The following LRP12 variants were observed in gnomAD, a reference collection of about 807,000 sequenced individuals.
LRP12 encodes the protein LDL receptor related protein 12.
Under a neutral mutation model 66.0 loss-of-function variants are expected in LRP12, and 14 were observed. That is an observed-to-expected ratio of 0.21 (90% CI 0.14 to 0.33). The LOEUF (loss-of-function observed/expected upper bound fraction) is 0.33. LRP12 is among the 10% of genes least tolerant of loss of function. The pLI is 1.00. For synonymous variants in LRP12, 357 were observed against 359.1 expected, an observed-to-expected ratio of 0.99 and a Z score of 0.07; for missense variants, 889 against 1,053.4, an observed-to-expected ratio of 0.84 and a Z score of 2.16.
chr8:104,584,685 A>C (rs1286119402), intron 1 of LRP12, among the ~76,000 whole-genome samples: 1 of 152,156 alleles, frequency 6.6e-6, no homozygotes, highest in East Asian at 1.9e-4. Flanking sequence ...AATTTTGTGG[A>C]ATGTGCTGCC....
At chr8:104,586,561 C>A (rs7814352) in intron 1 of LRP12, among the ~76,000 whole-genome samples, 1 of 151,952 alleles carries the variant, frequency 6.6e-6, no homozygotes. Flanking sequence ...TCTGTTCTAA[C>A]AGGCTCAAGG....
intron 3 of LRP12, among the ~76,000 whole-genome samples, chr8:104,502,965 A>C (rs1810851097): frequency 6.6e-6 from 1 of 152,122 alleles, no homozygotes; most frequent in Admixed American, 6.5e-5. Context: ...TGGGTGGATC[A>C]CCTGAGGTCA....
chr8:104,588,973 C>A lies in LRP12; in HGVS notation c.-76G>T, dbSNP rs543283170. ...AAGCTGGAGGTAGACGACGCCGACG[C>A]CGCCGCCGCCGCCGCCGCCGCCGCC... On this transcript the variant is annotated 5_prime_UTR_variant, in exon 1 of 7. Transcript: ENST00000276654. 9.1e-5 allele frequency: 53 copies of A among 583,278 alleles called. No homozygotes were observed. Among genetic ancestry groups the A allele is most frequent in the South Asian group, 3.5e-4 (13 of 37,594 alleles). The allele number at this position is 583,278 out of a possible 1,614,324, so 36.1% of individuals were successfully genotyped here.
At chr8:104,508,059 TA>T (rs1403467502) in intron 3 of LRP12, 2 of 152,210 alleles carry the variant, frequency 1.3e-5, no homozygotes, top group East Asian at 3.8e-4. Flanking sequence ...CATACAATGT[TA>T]CACATGAAAA....
chr8:104,567,392 T>G (rs1356700714), intron 1 of LRP12, among the ~76,000 whole-genome samples: 4 of 152,092 alleles, frequency 2.6e-5, no homozygotes, highest in Non-Finnish European at 4.4e-5. Flanking sequence ...ACTTACTCAC[T>G]ATCACGAGAA....
At chr8:104,568,082 T>C (rs1160363946) in intron 1 of LRP12, among the ~76,000 whole-genome samples, 2 of 152,164 alleles carry the variant, frequency 1.3e-5, no homozygotes, top group Non-Finnish European at 2.9e-5. Context: ...ATAGACAATA[T>C]AGGTCATAAA....
chr8:104,547,642 TA>T (rs1426150651), intron 1 of LRP12, among the ~76,000 whole-genome samples: 12 of 124,688 alleles, frequency 9.6e-5, no homozygotes, highest in African/African-American at 3.8e-4. Context: ...AAATATATAT[TA>T]ATAATTAAAA....
At chr8:104,563,855 CCACT>C (rs1202094775) in intron 1 of LRP12, among the ~76,000 whole-genome samples, 1 of 152,172 alleles carries the variant, frequency 6.6e-6, no homozygotes, top group African/African-American at 2.4e-5. Flanking sequence ...TCTTTATAAG[CCACT>C]CAGTCTATGG....
intron 1 of LRP12, among the ~76,000 whole-genome samples, chr8:104,548,252 T>TCA (rs1811644761): frequency 1.1e-5 from 1 of 93,304 alleles, no homozygotes; most frequent in Non-Finnish European, 1.7e-5. Context: ...ACGATATATA[T>TCA]TATATTAATA....
At chr8:104,500,727 CAAACAAAACA>C (rs1446098070) in intron 3 of LRP12, among the ~76,000 whole-genome samples, 1 of 152,032 alleles carries the variant, frequency 6.6e-6, no homozygotes, top group Non-Finnish European at 1.5e-5. Flanking sequence ...CAAACAAAAC[CAAACAAAACA>C]AAACCCTTAT....
intron 2 of LRP12, among the ~76,000 whole-genome samples, chr8:104,510,419 G>A (rs1296108174): frequency 6.6e-6 from 1 of 152,124 alleles, no homozygotes; most frequent in African/African-American, 2.4e-5. Flanking sequence ...ATATCACAGA[G>A]GAAAATCTTC....
rs771535161 is a variant in LRP12 at position 104,525,182 on chromosome 8, ATT to A, written c.136+6723_136+6724del. On this transcript the variant is annotated intron_variant, in intron 2 of 6. Transcript: ENST00000276654. ...ATATTATTAAATTTATAAAAATACC[ATT>A]TGTCTTTTCTCCTTTCTCTAGCTTA... is the stretch of plus-strand genomic sequence containing the variant. Among the ~76,000 whole-genome samples the A allele has an allele frequency of 3.3e-5, 5 of 152,248 alleles. No individual in the cohort carries two copies. The East Asian group carries it at 7.7e-4, about 23-fold the overall frequency.
At chr8:104,553,451 A>G (rs915738532) in intron 1 of LRP12, among the ~76,000 whole-genome samples, 7 of 152,056 alleles carry the variant, frequency 4.6e-5, no homozygotes, top group African/African-American at 1.4e-4. Context: ...GGAGCTGGGT[A>G]AGGCCTGTCA....
chr8:104,574,862 G>A (rs1426542889), intron 1 of LRP12, among the ~76,000 whole-genome samples: 1 of 152,030 alleles, frequency 6.6e-6, no homozygotes, highest in Non-Finnish European at 1.5e-5. Flanking sequence ...AACTACATAT[G>A]TGATTTACAC....
In LRP12 at chr8:104,563,456, A is replaced by G. The variant is rs1388452049; in HGVS notation, c.79+25363T>C. Reference sequence around the variant, plus strand: ...CTATATTATATATTTGTTAATAATGATATGTCATTATATATCATTATTAAC... The same window carrying G: ...CTATATTATATATTTGTTAATAATGGTATGTCATTATATATCATTATTAAC... On this transcript the variant is annotated intron_variant, in intron 1 of 6. Transcript: ENST00000276654. 2.0e-5 allele frequency among the ~76,000 whole-genome samples: 3 copies of G among 152,116 alleles called. No individual in the cohort carries two copies. In the East Asian group the frequency reaches 5.8e-4, roughly 29 times the overall value.
In LRP12 at chr8:104,497,655, T is replaced by C. The variant is rs765417395; in HGVS notation, c.897A>G (p.Leu299=). The change falls in exon 5 of 7, where the codon TTA becomes TTG. Residue 299 remains leucine, a synonymous_variant. Coordinates refer to ENST00000276654, the MANE Select transcript of LRP12 (RefSeq NM_013437.5). The surrounding 1 kb of genome is among the most constrained non-coding windows in gnomAD (Gnocchi z 4.3). ...IDTGDHRKVI[L]RFTDFKLDGT... Reference sequence around the variant, plus strand: ...CATCAAGTTTAAAGTCAGTGAAGCGTAAAATGACTTTACGGTGATCACCAG... The same window carrying C: ...CATCAAGTTTAAAGTCAGTGAAGCGCAAAATGACTTTACGGTGATCACCAG... The C allele has an allele frequency of 1.2e-6, 2 of 1,614,170 alleles. No homozygotes were observed. The highest frequency in any genetic ancestry group is 4.5e-5 in the East Asian group (2 of 44,882).
intron 1 of LRP12, among the ~76,000 whole-genome samples, chr8:104,559,227 G>T (rs1033642591): frequency 6.6e-6 from 1 of 151,916 alleles, no homozygotes; most frequent in Non-Finnish European, 1.5e-5. Flanking sequence ...ATCAACAAGT[G>T]GATAAAGAAA....
At chr8:104,530,166 A>C (rs1353497866) in intron 2 of LRP12, among the ~76,000 whole-genome samples, 2 of 152,212 alleles carry the variant, frequency 1.3e-5, no homozygotes, top group African/African-American at 4.8e-5. Context: ...ATGAGTTTTA[A>C]AACAAATTCT....
At chr8:104,580,255 G>A (rs944122435) in intron 1 of LRP12, among the ~76,000 whole-genome samples, 7 of 151,602 alleles carry the variant, frequency 4.6e-5, no homozygotes, top group Non-Finnish European at 8.8e-5. Context: ...GGTGGCTCAC[G>A]CCTGTAATCC....
Sources: gnomAD v4.1 joint callset for allele counts (sites outside exome capture counted in the v4.1 genomes callset) on GRCh38, gnomAD v4.1.1 for gene constraint, Gnocchi (gnomAD v3.1) non-coding constraint, MANE v1.5 for transcripts, NCBI Gene and HGNC (gene_info 2026-07-23, HGNC 2026-07-21) for gene names.